The following CCDC88C variants were observed in gnomAD, a reference collection of about 807,000 sequenced individuals.
CCDC88C encodes protein Daple.
Under a neutral mutation model 198.8 loss-of-function variants are expected in CCDC88C, and 131 were observed. The observed-to-expected ratio is 0.66, with a 90% CI of 0.57 to 0.76. CCDC88C has a LOEUF of 0.76. Ranked by LOEUF, CCDC88C falls within the 30% of genes least tolerant of loss-of-function variation. The probability of loss-of-function intolerance (pLI) is 0.00; values close to 1 mark genes in which losing one functional copy is unlikely to be tolerated. For synonymous variants in CCDC88C, 1,166 were observed against 1,114.7 expected (o/e 1.05, Z -0.92); for missense variants, 2,553 against 2,631.6 (o/e 0.97, Z 0.65).
chr14:91,359,727 G>GTTT lies in CCDC88C; in HGVS notation c.271-17_271-16insAAA, dbSNP rs1226855078. Reference sequence around the variant, plus strand: ...GGAGAACTTCCTGCAGAAACAAAGGGGGAAAAGATACCATTAAGAACCGGA... The same window carrying GTTT: ...GGAGAACTTCCTGCAGAAACAAAGGGTTTGGAAAAGATACCATTAAGAACCGGA... On this transcript the variant is annotated splice_polypyrimidine_tract_variant and intron_variant, in intron 3 of 29. Coordinates refer to ENST00000389857, the MANE Select transcript of CCDC88C (RefSeq NM_001080414.4). 4 of 1,602,884 alleles carry GTTT rather than the reference G, an allele frequency of 2.5e-6. No individual in the cohort carries two copies. The highest frequency in any genetic ancestry group is 3.4e-6 in the Non-Finnish European group (4 of 1,173,174).
intron 20 of CCDC88C, among the ~76,000 whole-genome samples, chr14:91,301,955 A>G (rs1891313980): frequency 6.6e-6 from 1 of 152,186 alleles, no homozygotes; most frequent in South Asian, 2.1e-4. Context: ...CGAGGGAGAG[A>G]TCAAAGTGAA....
At chr14:91,320,254 A>G (rs988986553) in intron 13 of CCDC88C, among the ~76,000 whole-genome samples, 1 of 152,170 alleles carries the variant, frequency 6.6e-6, no homozygotes, top group African/African-American at 2.4e-5. Flanking sequence ...CCCTACCTCC[A>G]GGGAGGAGAC....
At chr14:91,310,980 G>A (rs1248787540) in intron 15 of CCDC88C, among the ~76,000 whole-genome samples, 1 of 152,238 alleles carries the variant, frequency 6.6e-6, no homozygotes, top group Admixed American at 6.5e-5. Flanking sequence ...TGGCAAAGGG[G>A]ATGAAGTGGG....
intron 4 of CCDC88C, among the ~76,000 whole-genome samples, chr14:91,348,301 C>T (rs1423324440): frequency 6.9e-6 from 1 of 144,874 alleles, no homozygotes; most frequent in Non-Finnish European, 1.5e-5. Context: ...CCACTGCGCC[C>T]AGCCAAGACC....
At chr14:91,399,590 C>T (rs1226527590) in intron 3 of CCDC88C, among the ~76,000 whole-genome samples, 2 of 152,174 alleles carry the variant, frequency 1.3e-5, no homozygotes, top group Non-Finnish European at 1.5e-5. Flanking sequence ...GTAATCCCAG[C>T]ACTTTGGGAG....
At chr14:91,333,221 T>C (rs924431504) in intron 10 of CCDC88C, among the ~76,000 whole-genome samples, 4 of 152,262 alleles carry the variant, frequency 2.6e-5, no homozygotes, top group Non-Finnish European at 5.9e-5. Flanking sequence ...GGTATAGATC[T>C]GCTAATGAAT....
chr14:91,363,126 T>C (rs896724337), intron 3 of CCDC88C, among the ~76,000 whole-genome samples: 7 of 152,142 alleles, frequency 4.6e-5, no homozygotes, highest in African/African-American at 9.7e-5. Context: ...TGTCCAGCAA[T>C]ATACATAATT....
rs533765739 is a variant in CCDC88C, at chr14:91,415,355, T to C, written c.161+1383A>G. 3.4e-5 allele frequency among the ~76,000 whole-genome samples: 5 copies of C among 148,678 alleles called. No homozygotes were observed. In the South Asian group the frequency reaches 1.1e-3, roughly 32 times the overall value. On this transcript the variant is annotated intron_variant, in intron 2 of 29. Transcript: ENST00000389857. ...TAAGATTGGTAGTGACTTTTTTTCC[T>C]ACACCCACAGCTGTGAACTTTAAAA... is the stretch of plus-strand genomic sequence containing the variant.
chr14:91,410,635 T>C (rs113169035), intron 2 of CCDC88C, among the ~76,000 whole-genome samples: 191 of 152,336 alleles, frequency 1.3e-3, no homozygotes, highest in African/African-American at 4.4e-3. Context: ...TGCAAAGGCA[T>C]TTTTAGCTAC....
At chr14:91,355,289 G>C (rs1269183787) in intron 4 of CCDC88C, among the ~76,000 whole-genome samples, 2 of 152,188 alleles carry the variant, frequency 1.3e-5, no homozygotes, top group Non-Finnish European at 2.9e-5. Flanking sequence ...GGAAGGATAA[G>C]GATGGCTGAG....
chr14:91,398,733 C>G (rs1395002109), intron 3 of CCDC88C, among the ~76,000 whole-genome samples: 2 of 152,108 alleles, frequency 1.3e-5, no homozygotes, highest in African/African-American at 4.8e-5. Flanking sequence ...ACAGGGAGCA[C>G]CACAGGCTGG....
chr14:91,302,966 C>A (rs138737101), intron 20 of CCDC88C, among the ~76,000 whole-genome samples: 2 of 152,312 alleles, frequency 1.3e-5, no homozygotes, highest in East Asian at 3.9e-4. Flanking sequence ...GAGGCATCCC[C>A]TTCTCCACAC....
chr14:91,291,170 TG>T, intron 23 of CCDC88C, 86 bp from the exon 24 acceptor site: 1 of 766,798 alleles, frequency 1.3e-6, no homozygotes, highest in Non-Finnish European at 2.2e-6. Context: ...TGGAACCTGG[TG>T]TACCCGGGGC....
chr14:91,314,669 C>T (rs1056490000), intron 14 of CCDC88C, among the ~76,000 whole-genome samples: 3 of 152,232 alleles, frequency 2.0e-5, no homozygotes, highest in Non-Finnish European at 4.4e-5. Context: ...TTCTCTCCCT[C>T]AGCACCCTAT....
At position 91,351,544 on chromosome 14, in the gene CCDC88C, C is replaced by A. The variant is rs374837117; in HGVS notation, c.341-7887G>T. On this transcript the variant is annotated intron_variant, in intron 4 of 29. Coordinates refer to ENST00000389857, the MANE Select transcript of CCDC88C (RefSeq NM_001080414.4). ...GATGCTCCATCATATGTGTCCCCAC[C>A]CATGGGGAAGGAGGCAGGCACCTCT... Among the ~76,000 whole-genome samples the A allele has an allele frequency of 3.3e-5, 5 of 152,166 alleles. No individual in the cohort carries two copies. The East Asian group carries it at 7.7e-4, about 23-fold the overall frequency.
At chr14:91,409,631 G>A (rs1886699673) in intron 2 of CCDC88C, among the ~76,000 whole-genome samples, 1 of 151,546 alleles carries the variant, frequency 6.6e-6, no homozygotes, top group South Asian at 2.1e-4. Context: ...GGGATTATAG[G>A]TGCATGCCAC....
At chr14:91,317,648 G>A (rs559758500) in intron 13 of CCDC88C, among the ~76,000 whole-genome samples, 14 of 152,358 alleles carry the variant, frequency 9.2e-5, no homozygotes, top group South Asian at 2.1e-4. Context: ...AAGGACGAGA[G>A]GGAGGAGAGA....
chr14:91,365,027 G>A (rs559010973), intron 3 of CCDC88C, among the ~76,000 whole-genome samples: 15 of 152,332 alleles, frequency 9.8e-5, no homozygotes, highest in African/African-American at 3.4e-4. Flanking sequence ...TGACGCCCAT[G>A]CTGGGTGGTG....
intron 12 of CCDC88C, 67 bp downstream of exon 12, chr14:91,324,712 G>A: frequency 6.3e-7 from 1 of 1,580,282 alleles, no homozygotes; most frequent in African/African-American, 1.3e-5. Context: ...CAGAGCCCAG[G>A]ACTCAGCTCC....
Sources: allele counts gnomAD v4.1 joint callset (sites outside exome capture counted in the v4.1 genomes callset), GRCh38; gene constraint gnomAD v4.1.1; transcripts MANE v1.5; gene names NCBI Gene and HGNC (gene_info 2026-07-23, HGNC 2026-07-21).